ITPR1: variants seen among roughly 807,000 people sequenced by gnomAD.
ITPR1 encodes inositol 1,4,5-trisphosphate-gated calcium channel ITPR1.
Under a neutral mutation model 318.4 loss-of-function variants are expected in ITPR1, and 96 were observed. The ratio of observed to expected loss-of-function variants is 0.30; its 90% CI spans 0.26 to 0.36. ITPR1 has a LOEUF of 0.36. ITPR1 is among the 10% of genes least tolerant of loss of function. The pLI is 1.00. For missense variants in ITPR1, 2,440 were observed against 3,460.2 expected, an observed-to-expected ratio of 0.71 and a Z score of 7.40; for synonymous variants, 1,312 against 1,289.9, an observed-to-expected ratio of 1.02 and a Z score of -0.37.
chr3:4,648,012 C>T (rs1257660674), intron 10 of ITPR1, among the ~76,000 whole-genome samples: 3 of 152,050 alleles, frequency 2.0e-5, no homozygotes, highest in Non-Finnish European at 2.9e-5. Flanking sequence ...ATTAGCCAAG[C>T]GTGGTGGCAC....
intron 60 of ITPR1, among the ~76,000 whole-genome samples, chr3:4,824,053 C>T (rs896208132): frequency 6.6e-5 from 10 of 152,260 alleles, no homozygotes; most frequent in African/African-American, 1.4e-4. Flanking sequence ...CAGAAGGTCC[C>T]GATACCTTGG....
chr3:4,544,656 G>A lies in ITPR1; in HGVS notation c.163+23562G>A, dbSNP rs1415398392. On this transcript the variant is annotated intron_variant, in intron 4 of 61. Transcript: ENST00000649015. ...AAGTTTGGGAGGGATCCTCTCAGTCGTTTTGGACTGACATTGCTAACTTCG... is the reference window on the plus strand; with the variant it reads ...AAGTTTGGGAGGGATCCTCTCAGTCATTTTGGACTGACATTGCTAACTTCG... Among the ~76,000 whole-genome samples the A allele has an allele frequency of 2.6e-5, 4 of 152,310 alleles. No homozygotes were observed. The East Asian group carries it at 5.8e-4, about 22-fold the overall frequency.
chr3:4,831,414 G>C (rs2050503273), intron 60 of ITPR1: 1 of 175,484 alleles, frequency 5.7e-6, no homozygotes, highest in Admixed American at 5.7e-5. Flanking sequence ...GAGGACCGGG[G>C]CAGACAGTGC....
At chr3:4,814,884 G>A (rs955758881) in intron 58 of ITPR1, 169 bp from the exon 59 acceptor site, 25 of 650,840 alleles carry the variant, frequency 3.8e-5, no homozygotes, top group Non-Finnish European at 5.9e-5. Flanking sequence ...TGGAGAAGTC[G>A]CAATTGAGAC....
intron 4 of ITPR1, among the ~76,000 whole-genome samples, chr3:4,541,941 A>T: frequency 6.6e-6 from 1 of 152,006 alleles, no homozygotes; most frequent in East Asian, 1.9e-4. Context: ...GCTATTTTTT[A>T]ATCTCGCCAT....
At chr3:4,582,166 C>G (rs530046995) in intron 4 of ITPR1, among the ~76,000 whole-genome samples, 1 of 152,236 alleles carries the variant, frequency 6.6e-6, no homozygotes, top group East Asian at 1.9e-4. Context: ...AAACTGGCAT[C>G]AGAAATCAAG....
chr3:4,647,089 T>C (rs1255564347), intron 10 of ITPR1, among the ~76,000 whole-genome samples: 1 of 152,140 alleles, frequency 6.6e-6, no homozygotes, highest in Non-Finnish European at 1.5e-5. Context: ...GTTTCCTTTT[T>C]CCTCCTGGAG....
At chr3:4,793,674 G>C (rs2047714122) in intron 52 of ITPR1, among the ~76,000 whole-genome samples, 1 of 152,126 alleles carries the variant, frequency 6.6e-6, no homozygotes, top group East Asian at 1.9e-4. Flanking sequence ...ATTGTCACAT[G>C]GGTCATTTAT....
rs59656214 is a variant in ITPR1 at position 4,602,528 on chromosome 3, GAAA to G, written c.164-25216_164-25214del. 2.9e-3 allele frequency among the ~76,000 whole-genome samples: 308 copies of G among 106,808 alleles called. 2 individuals carry two copies. Among genetic ancestry groups the G allele is most frequent in the African/African-American group, 5.6e-3 (156 of 28,004 alleles). The allele number at this position is 106,808 out of a possible 152,430, so 70.1% of individuals were successfully genotyped here. ...GGGTAATGGGAGTGAGACCCTCTCA[GAAA>G]AAAAAAAAAAAAAAAAAACTTGTAC... On this transcript the variant is annotated intron_variant, in intron 4 of 61. Transcript: ENST00000649015.
At chr3:4,523,356 G>A (rs2124932398) in intron 4 of ITPR1, among the ~76,000 whole-genome samples, 1 of 152,020 alleles carries the variant, frequency 6.6e-6, no homozygotes, top group African/African-American at 2.4e-5. Flanking sequence ...ACAACATGAT[G>A]TTTTAGAATA....
At chr3:4,679,076 C>T (rs76844532) in intron 24 of ITPR1, among the ~76,000 whole-genome samples, 2 of 152,014 alleles carry the variant, frequency 1.3e-5, no homozygotes, top group Non-Finnish European at 2.9e-5. Flanking sequence ...CAGGGAGAAA[C>T]GGCAGTAGGG....
chr3:4,593,819 G>T (rs1246563256), intron 4 of ITPR1, among the ~76,000 whole-genome samples: 1 of 152,218 alleles, frequency 6.6e-6, no homozygotes, highest in Non-Finnish European at 1.5e-5. Context: ...GGTGGGAGAA[G>T]AAGCTGGAAA....
chr3:4,570,035 C>G (rs1282647259), intron 4 of ITPR1, among the ~76,000 whole-genome samples: 1 of 152,092 alleles, frequency 6.6e-6, no homozygotes, highest in Non-Finnish European at 1.5e-5. Flanking sequence ...AATTGTGCTG[C>G]CCTTCACTTT....
At chr3:4,529,388 G>A (rs1559391404) in intron 4 of ITPR1, among the ~76,000 whole-genome samples, 7 of 152,120 alleles carry the variant, frequency 4.6e-5, no homozygotes. Flanking sequence ...AGCGTAATGG[G>A]GTCATATTGT....
intron 46 of ITPR1, among the ~76,000 whole-genome samples, chr3:4,770,814 T>A (rs2046137761): frequency 6.6e-6 from 1 of 152,164 alleles, no homozygotes; most frequent in South Asian, 2.1e-4. Flanking sequence ...AGGGCCTGGT[T>A]ACCATCTCAC....
intron 4 of ITPR1, among the ~76,000 whole-genome samples, chr3:4,615,038 G>A (rs546195163): frequency 1.3e-5 from 2 of 152,326 alleles, no homozygotes; most frequent in East Asian, 3.9e-4. Context: ...TCAATAAGGA[G>A]GCTTGGAATG....
At chr3:4,784,767 C>T (rs559569730) in intron 51 of ITPR1, among the ~76,000 whole-genome samples, 27 of 150,304 alleles carry the variant, frequency 1.8e-4, no homozygotes, top group African/African-American at 5.9e-4. Flanking sequence ...CGTGGTGGCA[C>T]ACGCCTGTAA....
At chr3:4,578,759 T>C (rs2088965851) in intron 4 of ITPR1, among the ~76,000 whole-genome samples, 1 of 152,210 alleles carries the variant, frequency 6.6e-6, no homozygotes, top group African/African-American at 2.4e-5. Context: ...GAGGGCTAGA[T>C]GACTGCACCT....
At chr3:4,536,373 A>T (rs1308663039) in intron 4 of ITPR1, among the ~76,000 whole-genome samples, 4 of 152,220 alleles carry the variant, frequency 2.6e-5, no homozygotes, top group Non-Finnish European at 5.9e-5. Context: ...TTTTTGTTTG[A>T]CGTTTTTACC....
Sources: gnomAD v4.1 joint callset for allele counts (sites outside exome capture counted in the v4.1 genomes callset) on GRCh38, gnomAD v4.1.1 for gene constraint, MANE v1.5 for transcripts, NCBI Gene and HGNC (gene_info 2026-07-23, HGNC 2026-07-21) for gene names.